The following MAD1L1 variants were observed in gnomAD, a reference collection of about 807,000 sequenced individuals.
MAD1L1 encodes the protein mitotic arrest deficient 1 like 1.
In MAD1L1, 95 loss-of-function variants were observed where a neutral mutation model predicts 96.9. The observed-to-expected ratio is 0.98, with a 90% confidence interval of 0.83 to 1.16. The LOEUF is 1.16. Among genes scored for constraint, MAD1L1 ranks in the 50% most tolerant of loss-of-function variants. The pLI is 0.00. For synonymous variants in MAD1L1, 473 were observed against 396.6 expected, an observed-to-expected ratio of 1.19 and a Z score of -2.29; for missense variants, 1,007 against 954.4, an observed-to-expected ratio of 1.06 and a Z score of -0.73.
chr7:1,936,330 G>A (rs1778600261), intron 17 of MAD1L1, among the ~76,000 whole-genome samples: 1 of 152,246 alleles, frequency 6.6e-6, no homozygotes, highest in South Asian at 2.1e-4. Context: ...GCACACTTAA[G>A]CTGGTGAGAG....
In MAD1L1 at chr7:1,957,632, C is replaced by T; in HGVS notation, c.1593G>A (p.Leu531=). ...MLEAQLERRA[L]QGDYDQSRTK... ...CCAGAGGCTGCCCCGCCCTCACCTG[C>T]AGAGCTCGCCGCTCCAGCTGTGCCT... Residue 531 remains leucine, a synonymous_variant, in exon 16 of 19, where the codon CTG becomes CTA. Transcript: ENST00000265854. The T allele has an allele frequency of 1.9e-6, 3 of 1,613,900 alleles. No homozygotes were observed. The highest frequency in any genetic ancestry group is 2.5e-6 in the Non-Finnish European group (3 of 1,180,038).
intron 18 of MAD1L1, among the ~76,000 whole-genome samples, chr7:1,864,050 G>A (rs1002692465): frequency 7.9e-5 from 12 of 152,114 alleles, no homozygotes; most frequent in South Asian, 2.1e-4. Flanking sequence ...CCGAGATCGC[G>A]CCACTGCACT....
chr7:2,090,379 T>C (rs13242473), intron 11 of MAD1L1, among the ~76,000 whole-genome samples: 27,671 of 152,210 alleles, frequency 0.18, 2,952 homozygotes, highest in Middle Eastern at 0.34. Flanking sequence ...TCAGGGGTTT[T>C]TAAAGTAAAT....
chr7:1,871,122 C>A lies in MAD1L1; in HGVS notation c.1998+27078G>T, dbSNP rs1464621947. On this transcript the variant is annotated intron_variant, in intron 18 of 18. Transcript: ENST00000265854. ...TGAACCCACCGTAACACCTGCCACA[C>A]TGAACCCAACATACGCCTGCCACGC... Among the ~76,000 whole-genome samples the A allele has an allele frequency of 8.1e-5, 12 of 147,602 alleles. 1 individual carries two copies. The highest frequency in any genetic ancestry group is 1.3e-4 in the Non-Finnish European group (9 of 67,038).
chr7:1,947,546 G>A (rs1199854879), intron 16 of MAD1L1, among the ~76,000 whole-genome samples: 2 of 152,178 alleles, frequency 1.3e-5, no homozygotes, highest in African/African-American at 4.8e-5. Flanking sequence ...CCCACCAAGA[G>A]GCACAGGCAG....
At chr7:1,945,368 T>G (rs572414738) in intron 16 of MAD1L1, among the ~76,000 whole-genome samples, 1 of 152,246 alleles carries the variant, frequency 6.6e-6, no homozygotes, top group Non-Finnish European at 1.5e-5. Flanking sequence ...ATGATGATGA[T>G]GAACACTTAC....
intron 12 of MAD1L1, among the ~76,000 whole-genome samples, chr7:2,043,885 C>A (rs894632428): frequency 6.6e-6 from 1 of 152,260 alleles, no homozygotes; most frequent in Non-Finnish European, 1.5e-5. Context: ...CAAAGCCTGC[C>A]CCTGGAACGT....
chr7:2,051,300 T>C (rs781502161), intron 12 of MAD1L1, among the ~76,000 whole-genome samples: 3 of 152,116 alleles, frequency 2.0e-5, no homozygotes, highest in Non-Finnish European at 4.4e-5. Context: ...GTCTCTCTGG[T>C]ATAAACCTCC....
At chr7:1,892,760 C>T (rs1222634133) in intron 18 of MAD1L1, among the ~76,000 whole-genome samples, 2 of 152,204 alleles carry the variant, frequency 1.3e-5, no homozygotes, top group African/African-American at 4.8e-5. Context: ...TGACGCCCAC[C>T]CTGCAGGCCT....
At chr7:2,123,347 G>A (rs1001930427) in intron 11 of MAD1L1, among the ~76,000 whole-genome samples, 1 of 151,662 alleles carries the variant, frequency 6.6e-6, no homozygotes, top group African/African-American at 2.4e-5. Flanking sequence ...GCCAGCTCAG[G>A]GACTGAGATG....
intron 12 of MAD1L1, among the ~76,000 whole-genome samples, chr7:2,024,342 G>C (rs1782908677): frequency 1.3e-5 from 2 of 152,178 alleles, no homozygotes; most frequent in African/African-American, 4.8e-5. Context: ...CTAGTGGCCT[G>C]CCCACCCCCA....
intron 17 of MAD1L1, among the ~76,000 whole-genome samples, chr7:1,936,199 G>A (rs1338791312): frequency 6.6e-6 from 1 of 152,246 alleles, no homozygotes; most frequent in Non-Finnish European, 1.5e-5. Context: ...GCGTTCCAAA[G>A]GCCGTGGGCC....
chr7:1,939,935 G>A (rs2128465799), intron 16 of MAD1L1, among the ~76,000 whole-genome samples: 1 of 152,362 alleles, frequency 6.6e-6, no homozygotes. Context: ...CCAACAGGGA[G>A]AGAGGAGAGG....
At chr7:2,195,982 A>G (rs1321780682) in intron 10 of MAD1L1, among the ~76,000 whole-genome samples, 2 of 152,252 alleles carry the variant, frequency 1.3e-5, no homozygotes, top group Admixed American at 6.5e-5. Flanking sequence ...TTTCAGTGCC[A>G]GCATCGGGCT....
intron 16 of MAD1L1, among the ~76,000 whole-genome samples, chr7:1,945,874 T>TGGTC (rs1052160986): frequency 6.6e-6 from 1 of 151,148 alleles, no homozygotes; most frequent in Non-Finnish European, 1.5e-5. Context: ...GGGCAGGAGG[T>TGGTC]GGTCCAGGGG....
intron 9 of MAD1L1, 120 bp downstream of exon 9, chr7:2,215,765 C>T (rs753506920): frequency 2.2e-6 from 2 of 891,010 alleles, no homozygotes; most frequent in Non-Finnish European, 3.7e-6. Flanking sequence ...CTGCCTCCCA[C>T]CCCATCACAG....
chr7:2,118,825 C>T (rs1413880469), intron 11 of MAD1L1, among the ~76,000 whole-genome samples: 2 of 152,194 alleles, frequency 1.3e-5, no homozygotes, highest in Admixed American at 6.5e-5. Flanking sequence ...TCACAGGTGA[C>T]GTGAGGCACG....
chr7:1,918,422 C>A (rs1788556325), intron 17 of MAD1L1, among the ~76,000 whole-genome samples: 1 of 152,198 alleles, frequency 6.6e-6, no homozygotes, highest in Admixed American at 6.5e-5. Context: ...TCCCAACACA[C>A]AACCGCAGTC....
intron 18 of MAD1L1, among the ~76,000 whole-genome samples, chr7:1,896,250 C>T (rs920250086): frequency 3.3e-5 from 5 of 152,230 alleles, no homozygotes; most frequent in Admixed American, 6.5e-5. Context: ...GCTGAAAGTC[C>T]GGCCACTGGC....
Sources: gnomAD v4.1 joint callset for allele counts (sites outside exome capture counted in the v4.1 genomes callset) on GRCh38, gnomAD v4.1.1 for gene constraint, MANE v1.5 for transcripts, NCBI Gene and HGNC (gene_info 2026-07-23, HGNC 2026-07-21) for gene names.